PITPNM2: variants seen among roughly 807,000 people sequenced by gnomAD.
PITPNM2 encodes phosphatidylinositol transfer protein membrane associated 2.
Under a neutral mutation model 132.2 loss-of-function variants are expected in PITPNM2, and 35 were observed. The ratio of observed to expected loss-of-function variants is 0.26; its 90% CI spans 0.20 to 0.35. PITPNM2 has a LOEUF of 0.35. Among genes scored for constraint, PITPNM2 ranks in the 10% least tolerant of loss-of-function variants. The pLI, the probability that PITPNM2 is intolerant of heterozygous loss-of-function variation, is 1.00. For synonymous variants in PITPNM2, 738 were observed against 799.2 expected (o/e 0.92, Z 1.29); for missense variants, 1,332 against 1,912.0 (o/e 0.70, Z 5.66).
chr12:123,065,614 G>T (rs1031275603), intron 2 of PITPNM2, among the ~76,000 whole-genome samples: 4 of 152,282 alleles, frequency 2.6e-5, no homozygotes, highest in Admixed American at 1.3e-4. Context: ...GCAAGTTGGT[G>T]TGAGACTTGC....
chr12:123,122,779 T>C (rs976851648), intron 1 of PITPNM2, among the ~76,000 whole-genome samples: 8 of 152,246 alleles, frequency 5.3e-5, no homozygotes, highest in Non-Finnish European at 7.3e-5. Flanking sequence ...TAACTGGCTA[T>C]GCCAGGAACT....
chr12:123,129,464 G>C (rs2043216167), intron 1 of PITPNM2, among the ~76,000 whole-genome samples: 1 of 151,936 alleles, frequency 6.6e-6, no homozygotes, highest in Non-Finnish European at 1.5e-5. Flanking sequence ...CAGCTACTCA[G>C]GAGGCTGAGG....
intron 2 of PITPNM2, chr12:123,089,713 G>A (rs1302915451): frequency 1.3e-5 from 2 of 152,070 alleles, no homozygotes; most frequent in Non-Finnish European, 2.9e-5. Context: ...TCTAAGAACT[G>A]ACTGTGTCTT....
At chr12:123,151,692 C>T (rs1477698914), upstream of PITPNM2, among the ~76,000 whole-genome samples, 1 of 152,148 alleles carries the variant, frequency 6.6e-6, no homozygotes, top group Non-Finnish European at 1.5e-5. Flanking sequence ...TGATCTGGCA[C>T]GACAGGGCTC....
intron 2 of PITPNM2, chr12:123,105,648 C>G (rs537869622): frequency 1.3e-5 from 2 of 152,194 alleles, no homozygotes; most frequent in East Asian, 3.9e-4. Context: ...TCAGCGCATA[C>G]GGGAATGCCT....
At chr12:122,997,634 C>T (rs2038488472) in intron 10 of PITPNM2, 62 bp from the exon 11 acceptor site, 1 of 1,571,222 alleles carries the variant, frequency 6.4e-7, no homozygotes, top group Admixed American at 1.7e-5. Context: ...TGAGGCCCCT[C>T]TGTCACCCTT....
At chr12:123,034,440 A>G in intron 3 of PITPNM2, 73 bp downstream of exon 3, 1 of 1,408,966 alleles carries the variant, frequency 7.1e-7, no homozygotes, top group African/African-American at 1.4e-5. Context: ...AACTCCACCT[A>G]ACCCACATGT....
chr12:123,092,561 A>G (rs545100644), intron 2 of PITPNM2: 2 of 152,358 alleles, frequency 1.3e-5, no homozygotes, highest in South Asian at 4.1e-4. Context: ...GGGTTCCCAG[A>G]TCGGCCCAAA....
intron 2 of PITPNM2, among the ~76,000 whole-genome samples, chr12:123,038,715 C>T (rs1253755827): frequency 6.6e-6 from 1 of 151,118 alleles, no homozygotes; most frequent in East Asian, 2.0e-4. Context: ...ACCATGTGCC[C>T]CTGGCATGGC....
At chr12:123,055,801 C>A (rs902834279) in intron 2 of PITPNM2, among the ~76,000 whole-genome samples, 1 of 152,080 alleles carries the variant, frequency 6.6e-6, no homozygotes, top group African/African-American at 2.4e-5. Context: ...CTCCCTTCCC[C>A]AGCAGAAGCA....
At chr12:123,130,649 G>A (rs1167345175) in intron 1 of PITPNM2, among the ~76,000 whole-genome samples, 1 of 152,122 alleles carries the variant, frequency 6.6e-6, no homozygotes, top group Non-Finnish European at 1.5e-5. Context: ...GCGTGGTGGC[G>A]GGCGCCTGTA....
chr12:123,099,916 C>T lies in PITPNM2; in HGVS notation c.-96+10469G>A, dbSNP rs576195339. 6.6e-6 allele frequency among the ~76,000 whole-genome samples: 1 copy of T among 152,316 alleles called. No homozygotes were observed. The highest frequency in any genetic ancestry group is 1.9e-4 in the East Asian group (1 of 5,184). ...GCAGTGCCCTGTAAGGACAGCTCTA[C>T]ATCCACAGAAAACACCACTAACAGA... On this transcript the variant is annotated intron_variant, in intron 2 of 25. Coordinates refer to ENST00000320201, the MANE Select transcript of PITPNM2 (RefSeq NM_020845.3). This position sits in a 1 kb window ranked among gnomAD's most constrained non-coding sequence, Gnocchi z 4.2.
In PITPNM2 at chr12:123,128,264, C is replaced by CAAAAAAAAAAAAAAAAAAAAA. The variant is rs1170397011; in HGVS notation, c.-199-17797_-199-17777dup. ...TAAACATGGCGAAACCCCATCTCTA[C>CAAAAAAAAAAAAAAAAAAAAA]AAAAAAAAAAAAAAAAAAAAAAAAA... On this transcript the variant is annotated intron_variant, in intron 1 of 25. Transcript: ENST00000320201. Among the ~76,000 whole-genome samples the CAAAAAAAAAAAAAAAAAAAAA allele has an allele frequency of 8.8e-5, 2 of 22,752 alleles. 1 individual carries two copies. Among genetic ancestry groups the CAAAAAAAAAAAAAAAAAAAAA allele is most frequent in the African/African-American group, 4.5e-4 (2 of 4,462 alleles). The allele number at this position is 22,752 out of a possible 152,430, so 14.9% of individuals were successfully genotyped here.
intron 1 of PITPNM2, among the ~76,000 whole-genome samples, chr12:123,116,894 C>T (rs535051770): frequency 1.1e-4 from 16 of 152,320 alleles, no homozygotes; most frequent in African/African-American, 3.8e-4. Flanking sequence ...TCAATGGGTC[C>T]CCCACCCCAA....
At chr12:123,017,430 C>T (rs1394524167) in intron 3 of PITPNM2, among the ~76,000 whole-genome samples, 2 of 152,036 alleles carry the variant, frequency 1.3e-5, no homozygotes, top group Middle Eastern at 3.4e-3. Flanking sequence ...TACCATATGA[C>T]CAGCAATTCC....
At chr12:122,998,266 G>A (rs1232032634) in intron 10 of PITPNM2, among the ~76,000 whole-genome samples, 1 of 152,222 alleles carries the variant, frequency 6.6e-6, no homozygotes, top group Admixed American at 6.5e-5. Flanking sequence ...CCTTAGAGAG[G>A]AGGTCGATCA....
chr12:122,995,760 G>A, intron 13 of PITPNM2, 100 bp from the exon 14 acceptor site: 1 of 1,424,912 alleles, frequency 7.0e-7, no homozygotes, highest in South Asian at 1.4e-5. Flanking sequence ...CCCAGGCCAA[G>A]CGGCCACTGT....
At chr12:123,017,984 T>TTTCC (rs1163587142) in intron 3 of PITPNM2, among the ~76,000 whole-genome samples, 19,086 of 90,152 alleles carry the variant, frequency 0.21, 2,767 homozygotes, top group East Asian at 0.32. Context: ...TTCTCTCACT[T>TTTCC]TTCCTTCCTT....
intron 1 of PITPNM2, among the ~76,000 whole-genome samples, chr12:123,132,123 C>T (rs1008987734): frequency 1.3e-5 from 2 of 152,230 alleles, no homozygotes; most frequent in African/African-American, 2.4e-5. Flanking sequence ...TGCCAGGGAC[C>T]GCAGGCAGTT....
Sources: gnomAD v4.1 joint callset for allele counts (sites outside exome capture counted in the v4.1 genomes callset) on GRCh38, gnomAD v4.1.1 for gene constraint, Gnocchi (gnomAD v3.1) non-coding constraint, MANE v1.5 for transcripts, NCBI Gene and HGNC (gene_info 2026-07-23, HGNC 2026-07-21) for gene names.